Variants in EYS observed in about 807,000 individuals in gnomAD.
The protein encoded by EYS is EGF-like photoreceptor maintenance factor.
In EYS, 250 loss-of-function variants were observed where a neutral mutation model predicts 282.1. That is an observed-to-expected ratio of 0.89 (90% confidence interval 0.80 to 0.98). The LOEUF is 0.98. Ranked by LOEUF, EYS falls within the 50% of genes least tolerant of loss-of-function variation. The probability of loss-of-function intolerance (pLI) is 0.00; values close to 1 mark genes in which losing one functional copy is unlikely to be tolerated. For synonymous variants in EYS, 1,355 were observed against 1,282.9 expected (o/e 1.06, Z -1.20); for missense variants, 4,016 against 3,709.0 (o/e 1.08, Z -2.15).
In EYS at chr6:65,389,416, G is replaced by A. The variant is rs546743214; in HGVS notation, c.1185-4916C>T. 2.9e-4 allele frequency among the ~76,000 whole-genome samples: 44 copies of A among 152,212 alleles called. No homozygotes were observed. The South Asian group carries it at 9.1e-3, about 32-fold the overall frequency. On this transcript the variant is annotated intron_variant, in intron 7 of 42. Coordinates refer to ENST00000503581, the MANE Select transcript of EYS (RefSeq NM_001142800.2). Reference sequence around the variant, plus strand: ...ATGAACACTCTTCCCTTAGACAGCTGCACATTCCCTCGCATCATTCAAATC... The same window carrying A: ...ATGAACACTCTTCCCTTAGACAGCTACACATTCCCTCGCATCATTCAAATC...
At chr6:64,840,242 C>CTAT (rs1160536917) in intron 19 of EYS, among the ~76,000 whole-genome samples, 1 of 151,940 alleles carries the variant, frequency 6.6e-6, no homozygotes, top group African/African-American at 2.4e-5. Context: ...TGGTCACATA[C>CTAT]TATTATTATT....
At chr6:65,014,878 G>T (rs1469818938) in intron 13 of EYS, among the ~76,000 whole-genome samples, 2 of 152,076 alleles carry the variant, frequency 1.3e-5, no homozygotes. Flanking sequence ...TTTTGTTGTG[G>T]TAAGCTTATC....
chr6:64,719,654 A>G (rs1313337300), intron 22 of EYS, among the ~76,000 whole-genome samples: 1 of 152,080 alleles, frequency 6.6e-6, no homozygotes, highest in African/African-American at 2.4e-5. Flanking sequence ...AAATATTTGT[A>G]TATACTTCGG....
At chr6:64,168,983 A>G (rs929897715) in intron 31 of EYS, among the ~76,000 whole-genome samples, 17 of 152,238 alleles carry the variant, frequency 1.1e-4, no homozygotes, top group Non-Finnish European at 2.1e-4. Context: ...AGAGAATATA[A>G]GAAAATTTAA....
At position 65,192,853 on chromosome 6, in the gene EYS, G is replaced by A. The variant is rs117032310; in HGVS notation, c.2023+103010C>T. On this transcript the variant is annotated intron_variant, in intron 12 of 42. Coordinates refer to ENST00000503581, the MANE Select transcript of EYS (RefSeq NM_001142800.2). ...ATATTTTCTCACATGCTTAGGAAGT[G>A]TAATGATCAAGTGAAGGTACTTAGG... 3.6e-4 allele frequency among the ~76,000 whole-genome samples: 54 copies of A among 151,950 alleles called. 1 individual carries two copies. The East Asian group carries it at 9.7e-3, about 27-fold the overall frequency.
At chr6:63,865,508 A>G (rs1178565670) in intron 35 of EYS, among the ~76,000 whole-genome samples, 1 of 151,524 alleles carries the variant, frequency 6.6e-6, no homozygotes, top group African/African-American at 2.4e-5. Context: ...ACACCTTGCC[A>G]TATACAGATC....
chr6:65,474,968 C>T (rs1345540641), intron 5 of EYS, among the ~76,000 whole-genome samples: 4 of 152,052 alleles, frequency 2.6e-5, no homozygotes, highest in Admixed American at 2.0e-4. Context: ...ATAAGAAGAA[C>T]ATAGATCAAA....
chr6:65,056,818 T>G (rs1412551081), intron 13 of EYS, among the ~76,000 whole-genome samples: 3 of 152,102 alleles, frequency 2.0e-5, no homozygotes, highest in Non-Finnish European at 4.4e-5. Context: ...TTAAATAACA[T>G]TTCTCATTTA....
At chr6:65,668,380 G>A (rs933453885) in intron 1 of EYS, among the ~76,000 whole-genome samples, 3 of 151,592 alleles carry the variant, frequency 2.0e-5, no homozygotes, top group Admixed American at 6.6e-5. Context: ...ATTTTATATT[G>A]GGTCTTGGCT....
chr6:64,534,473 A>G (rs915085162), intron 26 of EYS, among the ~76,000 whole-genome samples: 3 of 152,114 alleles, frequency 2.0e-5, no homozygotes, highest in East Asian at 1.9e-4. Flanking sequence ...GTTTACATTA[A>G]TCATTCAATA....
chr6:64,993,338 C>T (rs1455110166), intron 14 of EYS, among the ~76,000 whole-genome samples: 5 of 151,660 alleles, frequency 3.3e-5, no homozygotes, highest in Non-Finnish European at 5.9e-5. Context: ...TGGGTATATA[C>T]CCAGTAATGG....
intron 26 of EYS, among the ~76,000 whole-genome samples, chr6:64,556,730 G>T (rs1387156826): frequency 6.6e-6 from 1 of 151,852 alleles, no homozygotes; most frequent in African/African-American, 2.4e-5. Flanking sequence ...AGGCAGCTGT[G>T]AAACAGAGGT....
chr6:64,475,055 T>C (rs1776219566), intron 26 of EYS, among the ~76,000 whole-genome samples: 1 of 152,218 alleles, frequency 6.6e-6, no homozygotes, highest in Non-Finnish European at 1.5e-5. Flanking sequence ...CTTTCTGTTT[T>C]ATTTTACATT....
At chr6:64,790,376 T>C (rs1205885305) in intron 22 of EYS, among the ~76,000 whole-genome samples, 2 of 151,886 alleles carry the variant, frequency 1.3e-5, no homozygotes, top group African/African-American at 2.4e-5. Flanking sequence ...TAATTATTTA[T>C]AGCATTTAAA....
At chr6:65,234,145 A>T (rs1229094223) in intron 12 of EYS, among the ~76,000 whole-genome samples, 1 of 152,070 alleles carries the variant, frequency 6.6e-6, no homozygotes, top group Non-Finnish European at 1.5e-5. Flanking sequence ...TTTTTGTACC[A>T]AGTAAACCCA....
chr6:65,542,473 A>G (rs1768202445), intron 2 of EYS, among the ~76,000 whole-genome samples: 1 of 146,450 alleles, frequency 6.8e-6, no homozygotes, highest in East Asian at 2.0e-4. Flanking sequence ...TAACAATAGA[A>G]TGTGTGTGTG....
chr6:64,050,105 A>G (rs1770758283), intron 33 of EYS, among the ~76,000 whole-genome samples: 1 of 152,200 alleles, frequency 6.6e-6, no homozygotes, highest in Non-Finnish European at 1.5e-5. Context: ...TTATTATAGC[A>G]GTCATTATTC....
intron 12 of EYS, among the ~76,000 whole-genome samples, chr6:65,111,123 TA>T (rs994812566): frequency 2.2e-4 from 33 of 151,840 alleles, no homozygotes; most frequent in African/African-American, 5.1e-4. Flanking sequence ...GTAATTACAT[TA>T]AAAAAAAGAA....
At position 64,098,151 on chromosome 6, in the gene EYS, C is replaced by A. The variant is rs150753818; in HGVS notation, c.6425-16149G>T. Among the ~76,000 whole-genome samples the A allele has an allele frequency of 4.0e-3, 602 of 152,250 alleles. 2 individuals carry two copies. The highest frequency in any genetic ancestry group is 0.014 in the African/African-American group (573 of 41,552). On this transcript the variant is annotated intron_variant, in intron 31 of 42. Transcript: ENST00000503581. ...ATAATTAAGAAGTATGTAACACTAT[C>A]AATCGTTTTCCTAGATATTTCTAGA...
Sources: allele counts gnomAD v4.1 joint callset (sites outside exome capture counted in the v4.1 genomes callset), GRCh38; gene constraint gnomAD v4.1.1; transcripts MANE v1.5; gene names NCBI Gene and HGNC (gene_info 2026-07-23, HGNC 2026-07-21).